Variants in FAT3 observed in about 807,000 individuals in gnomAD.
FAT3 encodes protocadherin Fat 3.
In FAT3, 95 loss-of-function variants were observed where a neutral mutation model predicts 310.2. The ratio of observed to expected loss-of-function variants is 0.31; its 90% CI spans 0.26 to 0.36. The LOEUF is 0.36. FAT3 is among the 10% of genes least tolerant of loss of function. The probability of loss-of-function intolerance (pLI) is 1.00; values close to 1 mark genes in which losing one functional copy is unlikely to be tolerated. For missense variants in FAT3, 5,408 were observed against 5,715.6 expected (o/e 0.95, Z 1.74); for synonymous variants, 2,314 against 2,192.9 (o/e 1.06, Z -1.54).
chr11:92,477,455 T>G (rs1351034815), intron 2 of FAT3, among the ~76,000 whole-genome samples: 1 of 152,202 alleles, frequency 6.6e-6, no homozygotes, highest in Non-Finnish European at 1.5e-5. Context: ...ATAATTATTG[T>G]TTCTGTCCTT....
chr11:92,475,048 C>T (rs1182877628), intron 2 of FAT3, among the ~76,000 whole-genome samples: 1 of 152,166 alleles, frequency 6.6e-6, no homozygotes, highest in Non-Finnish European at 1.5e-5. Context: ...TCGTACCCAC[C>T]TTGACACAAT....
chr11:92,780,750 G>A (rs1364547220), intron 7 of FAT3, among the ~76,000 whole-genome samples: 1 of 152,202 alleles, frequency 6.6e-6, no homozygotes, highest in Non-Finnish European at 1.5e-5. Flanking sequence ...GATGCCACCT[G>A]TGGCTGTCAG....
At chr11:92,541,932 T>C (rs781670872) in intron 3 of FAT3, among the ~76,000 whole-genome samples, 2 of 152,134 alleles carry the variant, frequency 1.3e-5, no homozygotes, top group African/African-American at 2.4e-5. Context: ...TTATCTATGA[T>C]AGGTTTAGAA....
At chr11:92,817,511 A>C (rs1947854387) in intron 13 of FAT3, among the ~76,000 whole-genome samples, 1 of 152,180 alleles carries the variant, frequency 6.6e-6, no homozygotes, top group Admixed American at 6.5e-5. Context: ...TTGTGCTGGC[A>C]TTCACTAATA....
At position 92,890,513 on chromosome 11, in the gene FAT3, T is replaced by C. The variant is rs774484507; in HGVS notation, c.13170T>C (p.Asp4390=). Residue 4390 remains aspartate (D), a synonymous_variant, in exon 28 of 28, where the codon GAT becomes GAC. Transcript: ENST00000525166. ...CAGCCTATCACTGGGACACCTCTGA[T>C]TGGATGCCAGGGGCCCGCCTGTCGG... is the stretch of plus-strand genomic sequence containing the variant. ...YNRAYHWDTS[D]WMPGARLSDI... 9 of 1,613,048 alleles carry C rather than the reference T, an allele frequency of 5.6e-6. No homozygotes were observed. The East Asian group carries it at 8.9e-5, about 16-fold the overall frequency.
intron 1 of FAT3, among the ~76,000 whole-genome samples, chr11:92,233,684 A>G (rs188053818): frequency 5.1e-4 from 78 of 152,340 alleles, no homozygotes; most frequent in African/African-American, 1.8e-3. Context: ...TCAGAAGACA[A>G]CTGCTACAAT....
At chr11:92,249,345 C>T (rs527802402) in intron 1 of FAT3, among the ~76,000 whole-genome samples, 23 of 152,128 alleles carry the variant, frequency 1.5e-4, no homozygotes, top group African/African-American at 4.1e-4. Flanking sequence ...AGAAGGAAAA[C>T]GCAGAGGCAC....
At chr11:92,405,239 G>A (rs1950111917) in intron 2 of FAT3, among the ~76,000 whole-genome samples, 1 of 152,048 alleles carries the variant, frequency 6.6e-6, no homozygotes, top group African/African-American at 2.4e-5. Flanking sequence ...TCTGATCATG[G>A]AGGATACTTT....
At chr11:92,548,544 C>T (rs2135430229) in intron 3 of FAT3, among the ~76,000 whole-genome samples, 1 of 152,274 alleles carries the variant, frequency 6.6e-6, no homozygotes, top group Admixed American at 6.5e-5. Flanking sequence ...ATGCCTTTTC[C>T]CTGAACTGAT....
intron 3 of FAT3, among the ~76,000 whole-genome samples, chr11:92,656,836 G>A (rs894293295): frequency 6.6e-6 from 1 of 152,082 alleles, no homozygotes; most frequent in Non-Finnish European, 1.5e-5. Flanking sequence ...ATGCAGACTC[G>A]ACCCTTGGAA....
intron 2 of FAT3, among the ~76,000 whole-genome samples, chr11:92,365,660 G>T (rs1312713476): frequency 2.0e-5 from 3 of 152,184 alleles, no homozygotes. Context: ...GGCCTGTGTG[G>T]CAGGGCCAAG....
intron 7 of FAT3, among the ~76,000 whole-genome samples, chr11:92,788,755 T>G (rs1254979441): frequency 6.6e-6 from 1 of 152,064 alleles, no homozygotes; most frequent in South Asian, 2.1e-4. Flanking sequence ...AAATACAGGG[T>G]ACAGAGGGAC....
Position 92,835,030 on chromosome 11 carries a change from C to A in FAT3, c.10032C>A (p.Asp3344Glu), listed in dbSNP as rs374591402. 6.2e-7 allele frequency: 1 copy of A among 1,613,708 alleles called. No homozygotes were observed. Among genetic ancestry groups the A allele is most frequent in the South Asian group, 1.1e-5 (1 of 90,972 alleles). The stretch of plus-strand genomic sequence containing the variant: ...ACAACCCTCCCAAGTTCAGCCAAGA[C>A]GTCTACAGTGCGGTTATCAGTGAAG... Reference protein sequence around the residue: ...VNDNPPKFSQDVYSAVISEDA... With the variant: ...VNDNPPKFSQEVYSAVISEDA... The change falls in exon 15 of 28, where the codon GAC (aspartate) becomes GAA (glutamate). Residue 3344 changes from aspartate (D) to glutamate (E), a missense_variant. By Grantham distance (45) the Asp-to-Glu change is conservative. Coordinates refer to ENST00000525166, the MANE Select transcript of FAT3 (RefSeq NM_001367949.2).
At chr11:92,803,467 A>G (rs1022485926) in intron 10 of FAT3, among the ~76,000 whole-genome samples, 1 of 152,228 alleles carries the variant, frequency 6.6e-6, no homozygotes, top group African/African-American at 2.4e-5. Flanking sequence ...TAGAGAGGTT[A>G]AGTTTGTGTG....
intron 3 of FAT3, among the ~76,000 whole-genome samples, chr11:92,570,808 A>G (rs185990035): frequency 7.3e-4 from 111 of 152,308 alleles, no homozygotes; most frequent in Non-Finnish European, 1.1e-3. Context: ...GGGTTTCTCA[A>G]GATTCTCATT....
chr11:92,547,194 C>A (rs1372327186), intron 3 of FAT3, among the ~76,000 whole-genome samples: 2 of 152,314 alleles, frequency 1.3e-5, no homozygotes, highest in South Asian at 4.1e-4. Flanking sequence ...TAGCCAGTCT[C>A]ACCCTGCCTA....
intron 3 of FAT3, among the ~76,000 whole-genome samples, chr11:92,654,198 C>T (rs988910286): frequency 1.3e-4 from 20 of 152,274 alleles, no homozygotes; most frequent in African/African-American, 4.6e-4. Context: ...AATCCCAACC[C>T]ACCTTTCAAT....
chr11:92,430,648 T>G (rs1370297253), intron 2 of FAT3, among the ~76,000 whole-genome samples: 2 of 152,142 alleles, frequency 1.3e-5, no homozygotes, highest in African/African-American at 4.8e-5. Context: ...CTCCTAATGC[T>G]ATGCTTCCCC....
chr11:92,555,377 G>A (rs1296196539), intron 3 of FAT3, among the ~76,000 whole-genome samples: 1 of 152,202 alleles, frequency 6.6e-6, no homozygotes, highest in African/African-American at 2.4e-5. Context: ...TAAACTGTGT[G>A]CCTTAAAATT....
Sources: gnomAD v4.1 joint callset for allele counts (sites outside exome capture counted in the v4.1 genomes callset) on GRCh38, gnomAD v4.1.1 for gene constraint, MANE v1.5 for transcripts, NCBI Gene and HGNC (gene_info 2026-07-23, HGNC 2026-07-21) for gene names.